Variants in CDH18 observed in about 807,000 individuals in gnomAD.
The protein encoded by CDH18 is cadherin-18.
In CDH18, 31 loss-of-function variants were observed where a neutral mutation model predicts 67.9. The observed-to-expected ratio is 0.46, with a 90% CI of 0.34 to 0.62. CDH18 has a LOEUF of 0.62. CDH18 is among the 20% of genes least tolerant of loss of function. CDH18 has a pLI of 0.01. For missense variants in CDH18, 890 were observed against 975.5 expected (o/e 0.91, Z 1.17); for synonymous variants, 362 against 347.2 (o/e 1.04, Z -0.48).
intron 1 of CDH18, among the ~76,000 whole-genome samples, chr5:20,353,272 A>C (rs1028415221): frequency 3.3e-5 from 5 of 152,182 alleles, no homozygotes; most frequent in African/African-American, 1.2e-4. Context: ...GTGTGTGTTC[A>C]ATATTCCAGT....
chr5:19,604,804 T>A (rs1232341152), intron 6 of CDH18, among the ~76,000 whole-genome samples: 1 of 152,108 alleles, frequency 6.6e-6, no homozygotes, highest in African/African-American at 2.4e-5. Context: ...TCTGTTTCTA[T>A]GTGTCAACAT....
intron 1 of CDH18, among the ~76,000 whole-genome samples, chr5:20,429,490 C>T (rs1254685820): frequency 1.3e-5 from 2 of 152,200 alleles, no homozygotes; most frequent in Middle Eastern, 3.4e-3. Flanking sequence ...AAATGATAAA[C>T]TCCTATTTAT....
At chr5:19,715,401 TCA>T (rs1218952628) in intron 5 of CDH18, among the ~76,000 whole-genome samples, 1 of 152,202 alleles carries the variant, frequency 6.6e-6, no homozygotes, top group African/African-American at 2.4e-5. Flanking sequence ...TCTTGAAGAA[TCA>T]CAGTTATTGT....
chr5:20,549,781 T>C (rs759364219), intron 1 of CDH18, among the ~76,000 whole-genome samples: 13 of 152,148 alleles, frequency 8.5e-5, no homozygotes, highest in Admixed American at 2.0e-4. Flanking sequence ...AGAGTGGGGA[T>C]AGAGAGCTCT....
chr5:19,963,475 C>T (rs1797113556), intron 2 of CDH18, among the ~76,000 whole-genome samples: 1 of 151,998 alleles, frequency 6.6e-6, no homozygotes, highest in African/African-American at 2.4e-5. Flanking sequence ...GTAATTGAAT[C>T]ATGGGGATGG....
At chr5:20,242,622 A>ACATATATATG (rs1489847716) in intron 2 of CDH18, among the ~76,000 whole-genome samples, 2 of 106,952 alleles carry the variant, frequency 1.9e-5, no homozygotes, top group East Asian at 2.6e-4. Context: ...ATATATATAT[A>ACATATATATG]TATATATATA....
intron 1 of CDH18, among the ~76,000 whole-genome samples, chr5:20,436,141 G>A (rs1561000181): frequency 2.0e-5 from 3 of 152,060 alleles, no homozygotes; most frequent in East Asian, 3.9e-4. Context: ...TATATAGTAA[G>A]CATAAATATG....
At chr5:19,964,745 A>G (rs1309148398) in intron 2 of CDH18, among the ~76,000 whole-genome samples, 1 of 152,070 alleles carries the variant, frequency 6.6e-6, no homozygotes, top group African/African-American at 2.4e-5. Context: ...AAAAATTTAC[A>G]TATTTTGGCT....
chr5:20,385,363 A>T (rs1414156760), intron 1 of CDH18, among the ~76,000 whole-genome samples: 1 of 152,074 alleles, frequency 6.6e-6, no homozygotes, highest in Non-Finnish European at 1.5e-5. Context: ...AGTAATTCTG[A>T]TCTAATAGTT....
chr5:20,095,299 AAAAGAAAGAAAG>A (rs201165191), intron 2 of CDH18, among the ~76,000 whole-genome samples: 15,347 of 72,974 alleles, frequency 0.21, 2,162 homozygotes, highest in African/African-American at 0.27. Context: ...AACTTAAAGT[AAAAGAAAGAAAG>A]AAAGAAAGAA....
chr5:20,497,197 C>T (rs1753964153), intron 1 of CDH18, among the ~76,000 whole-genome samples: 1 of 152,052 alleles, frequency 6.6e-6, no homozygotes. Context: ...AGGGAGTAAT[C>T]GTGAACCAGG....
intron 2 of CDH18, among the ~76,000 whole-genome samples, chr5:20,074,158 T>C (rs1180808881): frequency 6.6e-6 from 1 of 152,118 alleles, no homozygotes; most frequent in South Asian, 2.1e-4. Flanking sequence ...GGATAAAGTA[T>C]AATAATGATA....
chr5:19,605,435 A>C (rs774057849), intron 6 of CDH18, among the ~76,000 whole-genome samples: 1 of 151,998 alleles, frequency 6.6e-6, no homozygotes, highest in Non-Finnish European at 1.5e-5. Flanking sequence ...TTACTCATTT[A>C]AAGTTAATTT....
At chr5:20,488,237 A>C (rs567979173) in intron 1 of CDH18, among the ~76,000 whole-genome samples, 1 of 152,286 alleles carries the variant, frequency 6.6e-6, no homozygotes, top group African/African-American at 2.4e-5. Context: ...ATCACTTGTA[A>C]TTTTGCAGCC....
chr5:20,209,169 CAACCGTTAT>C (rs1447188480), intron 2 of CDH18, among the ~76,000 whole-genome samples: 7 of 151,966 alleles, frequency 4.6e-5, no homozygotes, highest in Admixed American at 4.6e-4. Context: ...TAAATGAGTA[CAACCGTTAT>C]GAAAAACAGT....
intron 1 of CDH18, among the ~76,000 whole-genome samples, chr5:20,486,070 CG>C (rs1753152271): frequency 6.6e-6 from 1 of 152,106 alleles, no homozygotes; most frequent in Non-Finnish European, 1.5e-5. Flanking sequence ...GCTGTACCAG[CG>C]TGGATATAGA....
intron 1 of CDH18, among the ~76,000 whole-genome samples, chr5:20,355,865 G>T (rs917166099): frequency 2.0e-5 from 3 of 152,126 alleles, no homozygotes; most frequent in Non-Finnish European, 2.9e-5. Flanking sequence ...AAGCACAAGA[G>T]TCACATATTA....
intron 2 of CDH18, among the ~76,000 whole-genome samples, chr5:20,179,738 T>C (rs900630032): frequency 1.3e-5 from 2 of 152,212 alleles, no homozygotes; most frequent in African/African-American, 2.4e-5. Flanking sequence ...TTGGAGACAA[T>C]GCAGGTCATA....
At chr5:20,180,414 G>A (rs1456689923) in intron 2 of CDH18, among the ~76,000 whole-genome samples, 1 of 152,120 alleles carries the variant, frequency 6.6e-6, no homozygotes, top group African/African-American at 2.4e-5. Flanking sequence ...AGCTTTTGCT[G>A]CAACTGTTAC....
Sources: allele counts gnomAD v4.1 joint callset (sites outside exome capture counted in the v4.1 genomes callset), GRCh38; gene constraint gnomAD v4.1.1; transcripts MANE v1.5; gene names NCBI Gene and HGNC (gene_info 2026-07-23, HGNC 2026-07-21).